PRUNE2: variants seen among roughly 807,000 people sequenced by gnomAD.
The protein encoded by PRUNE2 is protein prune homolog 2.
Under a neutral mutation model 252.0 loss-of-function variants are expected in PRUNE2, and 164 were observed. The ratio of observed to expected loss-of-function variants is 0.65; its 90% CI spans 0.57 to 0.74. The LOEUF (loss-of-function observed/expected upper bound fraction) is 0.74. Among genes scored for constraint, PRUNE2 ranks in the 30% least tolerant of loss-of-function variants. PRUNE2 has a pLI of 0.00. For synonymous variants in PRUNE2, 1,292 were observed against 1,350.2 expected, an observed-to-expected ratio of 0.96 and a Z score of 0.94; for missense variants, 3,495 against 3,711.0, an observed-to-expected ratio of 0.94 and a Z score of 1.51.
At chr9:76,670,746 T>TGACCCCC in intron 9 of PRUNE2, among the ~76,000 whole-genome samples, 1 of 151,796 alleles carries the variant, frequency 6.6e-6, no homozygotes, top group African/African-American at 2.4e-5. Flanking sequence ...CCCTGACCCC[T>TGACCCCC]GACCCCCGAG....
chr9:76,724,303 CA>C (rs796291956), intron 6 of PRUNE2, among the ~76,000 whole-genome samples: 38,664 of 69,378 alleles, frequency 0.56, 9,311 homozygotes, highest in Non-Finnish European at 0.64. Context: ...GATAGAAATA[CA>C]AAAAAAAAAA....
rs2047784281 is a variant in PRUNE2 at position 76,723,072 on chromosome 9, T to G, written c.757-9351A>C. 2.0e-5 allele frequency among the ~76,000 whole-genome samples: 3 copies of G among 152,256 alleles called. No individual in the cohort carries two copies. In the South Asian group the frequency reaches 6.2e-4, roughly 31 times the overall value. On this transcript the variant is annotated intron_variant, in intron 6 of 18. Transcript: ENST00000376718. ...TTTTGAAGATCGAACATTACCATGC[T>G]TTGTGAGCAATTTCCAGTTATTCAT...
rs1456777292 is a variant in PRUNE2, at chr9:76,614,373, G to C, written c.*197C>G. The C allele has an allele frequency of 6.7e-6, 4 of 599,038 alleles. No homozygotes were observed. The highest frequency in any genetic ancestry group is 1.2e-5 in the Non-Finnish European group (4 of 340,732). The allele number at this position is 599,038 out of a possible 1,614,324, so 37.1% of individuals were successfully genotyped here. A position where few individuals can be genotyped will look rare whatever the true frequency, so the allele number is the denominator to read the frequency against. ...CTAAAATCTTTGAGGCACATAATTG[G>C]CAAAATAGGAAAGTACACACAATTT... On this transcript the variant is annotated 3_prime_UTR_variant, in exon 19 of 19. Coordinates refer to ENST00000376718, the MANE Select transcript of PRUNE2 (RefSeq NM_015225.3).
chr9:76,791,599 T>G (rs1042551685), intron 6 of PRUNE2, among the ~76,000 whole-genome samples: 1 of 149,436 alleles, frequency 6.7e-6, no homozygotes, highest in East Asian at 2.0e-4. Context: ...CTGCACCAAT[T>G]ATCATTGGTA....
intron 9 of PRUNE2, among the ~76,000 whole-genome samples, chr9:76,693,616 G>A (rs2045050182): frequency 6.6e-6 from 1 of 151,834 alleles, no homozygotes; most frequent in Non-Finnish European, 1.5e-5. Context: ...GCTAATTTTT[G>A]TATTTTTAGT....
intron 3 of PRUNE2, among the ~76,000 whole-genome samples, chr9:76,847,183 T>G (rs2059712865): frequency 6.6e-6 from 1 of 151,852 alleles, no homozygotes; most frequent in Non-Finnish European, 1.5e-5. Context: ...AAAATTAGCC[T>G]GACGTGGTGG....
intron 9 of PRUNE2, among the ~76,000 whole-genome samples, chr9:76,689,381 A>T (rs2044464519): frequency 1.3e-5 from 2 of 152,056 alleles, no homozygotes; most frequent in South Asian, 4.1e-4. Flanking sequence ...TTTGAGACAG[A>T]TTCTTGCTCT....
At chr9:76,769,512 G>A (rs186048523) in intron 6 of PRUNE2, among the ~76,000 whole-genome samples, 209 of 151,934 alleles carry the variant, frequency 1.4e-3, no homozygotes, top group Non-Finnish European at 2.4e-3. Context: ...CGCAACCTCC[G>A]CCCCCCGGGT....
chr9:76,632,913 G>A (rs1270726868), intron 15 of PRUNE2, among the ~76,000 whole-genome samples: 3 of 152,134 alleles, frequency 2.0e-5, no homozygotes, highest in African/African-American at 7.2e-5. Context: ...TTTAAAAAAT[G>A]TAAAAATAAA....
chr9:76,626,073 A>G (rs1396009062), intron 16 of PRUNE2, among the ~76,000 whole-genome samples: 1 of 152,234 alleles, frequency 6.6e-6, no homozygotes, highest in African/African-American at 2.4e-5. Context: ...ACAGAAACAC[A>G]CATAAAAAAA....
intron 1 of PRUNE2, among the ~76,000 whole-genome samples, chr9:76,858,769 A>AAG (rs1306590098): frequency 6.7e-6 from 1 of 149,634 alleles, no homozygotes; most frequent in African/African-American, 2.5e-5. Context: ...AAAAAAAAAA[A>AAG]AAAGAAAGAA....
chr9:76,713,545 G>A lies in PRUNE2; in HGVS notation c.915+18C>T, dbSNP rs9785303. On this transcript the variant is annotated intron_variant, in intron 7 of 18. Transcript: ENST00000376718. ...GTTAGGACAGAGGGAACATGACGGG[G>A]TCAGAGGAGGGGCTCACCTGACTGC... is the stretch of plus-strand genomic sequence containing the variant. 250,899 of 1,597,418 alleles carry A rather than the reference G, an allele frequency of 0.16. 23,586 individuals carry two copies. Among genetic ancestry groups the A allele is most frequent in the East Asian group, 0.49 (21,898 of 44,542 alleles).
chr9:76,636,340 T>C (rs1454168319), intron 15 of PRUNE2, 131 bp downstream of exon 15: 1 of 629,074 alleles, frequency 1.6e-6, no homozygotes, highest in Non-Finnish European at 2.8e-6. Context: ...AAAGCACCTT[T>C]CTAGGAAAGA....
intron 1 of PRUNE2, among the ~76,000 whole-genome samples, chr9:76,872,652 C>T (rs1438615912): frequency 1.3e-5 from 2 of 151,410 alleles, no homozygotes; most frequent in Non-Finnish European, 2.9e-5. Context: ...CACCCTCACA[C>T]CTCAAAACTC....
At chr9:76,718,853 A>C (rs2047383368) in intron 6 of PRUNE2, among the ~76,000 whole-genome samples, 1 of 152,126 alleles carries the variant, frequency 6.6e-6, no homozygotes, top group South Asian at 2.1e-4. Context: ...ATTAAATGGC[A>C]CCACCGTCTA....
chr9:76,616,205 A>G (rs920900984), intron 18 of PRUNE2, among the ~76,000 whole-genome samples: 1 of 152,192 alleles, frequency 6.6e-6, no homozygotes, highest in Admixed American at 6.5e-5. Flanking sequence ...TCTTACCTGC[A>G]GAGTTTGCTT....
chr9:76,890,906 C>G (rs1326658143), intron 1 of PRUNE2, among the ~76,000 whole-genome samples: 1 of 152,178 alleles, frequency 6.6e-6, no homozygotes, highest in Non-Finnish European at 1.5e-5. Context: ...TATTCACCAG[C>G]GTGAATTAAT....
At position 76,832,032 on chromosome 9, in the gene PRUNE2, A is replaced by G. The variant is rs1026122896; in HGVS notation, c.509-5300T>C. Among the ~76,000 whole-genome samples the G allele has an allele frequency of 6.6e-5, 10 of 152,306 alleles. No individual in the cohort carries two copies. In the East Asian group the frequency reaches 1.9e-3, roughly 29 times the overall value. ...ACATGAGATTAAGATAAATATTTCT[A>G]TATTAATAAGGGGTCAATCCTCTGG... On this transcript the variant is annotated intron_variant, in intron 4 of 18. Coordinates refer to ENST00000376718, the MANE Select transcript of PRUNE2 (RefSeq NM_015225.3).
intron 9 of PRUNE2, among the ~76,000 whole-genome samples, chr9:76,674,786 C>A (rs2042191898): frequency 8.1e-6 from 1 of 122,966 alleles, no homozygotes; most frequent in East Asian, 2.4e-4. Flanking sequence ...TGATCTTTGA[C>A]AAACTTGAGA....
Sources: allele counts gnomAD v4.1 joint callset (sites outside exome capture counted in the v4.1 genomes callset), GRCh38; gene constraint gnomAD v4.1.1; transcripts MANE v1.5; gene names NCBI Gene and HGNC (gene_info 2026-07-23, HGNC 2026-07-21).